Variants in PTPRT observed in about 807,000 individuals in gnomAD.
The protein encoded by PTPRT is receptor-type tyrosine-protein phosphatase T.
Under a neutral mutation model 176.8 loss-of-function variants are expected in PTPRT, and 56 were observed. The ratio of observed to expected loss-of-function variants is 0.32; its 90% CI spans 0.26 to 0.40. PTPRT has a LOEUF of 0.40. Ranked by LOEUF, PTPRT falls within the 10% of genes least tolerant of loss-of-function variation. The probability of loss-of-function intolerance (pLI) is 1.00; values close to 1 mark genes in which losing one functional copy is unlikely to be tolerated. For missense variants in PTPRT, 1,540 were observed against 1,908.2 expected, an observed-to-expected ratio of 0.81 and a Z score of 3.60; for synonymous variants, 783 against 739.0, an observed-to-expected ratio of 1.06 and a Z score of -0.96.
rs1195911954 is a variant in PTPRT, at chr20:42,079,532, T to C, written c.*1347A>G. ...TCTAAGGACTGTGTGAAATGTCCTA[T>C]GGAAAGTGCCAAGCATGATCCCTGG... is the stretch of plus-strand genomic sequence containing the variant. On this transcript the variant is annotated 3_prime_UTR_variant, in exon 31 of 31. Coordinates refer to ENST00000373187, the MANE Select transcript of PTPRT (RefSeq NM_007050.6). 9 of 222,604 alleles carry C rather than the reference T, an allele frequency of 4.0e-5. No homozygotes were observed. Among genetic ancestry groups the C allele is most frequent in the East Asian group, 1.9e-4 (3 of 15,400 alleles). 13.8% of individuals were successfully genotyped at this position (222,604 alleles called of 1,614,324 possible).
chr20:42,666,567 A>G (rs976541483), intron 7 of PTPRT, among the ~76,000 whole-genome samples: 9 of 152,320 alleles, frequency 5.9e-5, no homozygotes, highest in Admixed American at 5.9e-4. Flanking sequence ...AATCCCATTA[A>G]GATTTTGATT....
intron 13 of PTPRT, among the ~76,000 whole-genome samples, chr20:42,276,539 ATATATATATATATATATAT>A (rs1247799375): frequency 3.8e-5 from 2 of 51,978 alleles, no homozygotes; most frequent in Non-Finnish European, 7.2e-5. Flanking sequence ...ATATATATAT[ATATATATATATATATATAT>A]AATGTTCTTG....
At chr20:42,135,308 C>T (rs1461136244) in intron 18 of PTPRT, among the ~76,000 whole-genome samples, 2 of 152,208 alleles carry the variant, frequency 1.3e-5, no homozygotes, top group African/African-American at 4.8e-5. Flanking sequence ...TATGAACCCA[C>T]CTGGTATGTT....
At chr20:43,041,704 T>C (rs899525683) in intron 1 of PTPRT, among the ~76,000 whole-genome samples, 28 of 152,238 alleles carry the variant, frequency 1.8e-4, no homozygotes, top group African/African-American at 5.1e-4. Context: ...AATATTCTTG[T>C]TGTCATGCCA....
chr20:42,138,302 A>AT (rs1434153143), intron 18 of PTPRT, among the ~76,000 whole-genome samples: 2 of 152,342 alleles, frequency 1.3e-5, no homozygotes, highest in Admixed American at 6.5e-5. Flanking sequence ...GGAGAGTGTG[A>AT]TGGAGGTACT....
chr20:42,728,356 T>G (rs959835125), intron 6 of PTPRT, among the ~76,000 whole-genome samples: 1 of 152,306 alleles, frequency 6.6e-6, no homozygotes, highest in South Asian at 2.1e-4. Context: ...TGCTGCTCCA[T>G]GATCACACTT....
chr20:42,598,617 T>C (rs1220201364), intron 7 of PTPRT, among the ~76,000 whole-genome samples: 1 of 152,168 alleles, frequency 6.6e-6, no homozygotes, highest in Non-Finnish European at 1.5e-5. Context: ...CAATACAACA[T>C]GTACATTATT....
chr20:42,320,359 G>A (rs1260799504), intron 11 of PTPRT, among the ~76,000 whole-genome samples: 1 of 152,148 alleles, frequency 6.6e-6, no homozygotes, highest in African/African-American at 2.4e-5. Flanking sequence ...GGGGACCAGG[G>A]ACCTATCAGA....
At chr20:42,432,618 C>A (rs1320541789) in intron 9 of PTPRT, among the ~76,000 whole-genome samples, 3 of 152,132 alleles carry the variant, frequency 2.0e-5, no homozygotes, top group Non-Finnish European at 4.4e-5. Context: ...ATGAACAAGG[C>A]CTAAAGTCAT....
intron 13 of PTPRT, among the ~76,000 whole-genome samples, chr20:42,256,910 T>C (rs536040600): frequency 6.6e-6 from 1 of 152,168 alleles, no homozygotes; most frequent in South Asian, 2.1e-4. Context: ...AGCCATGGAG[T>C]CACCGCCAAA....
intron 1 of PTPRT, among the ~76,000 whole-genome samples, chr20:42,987,869 GA>G (rs1274954202): frequency 6.6e-6 from 1 of 152,150 alleles, no homozygotes. Flanking sequence ...AGCTTGACGG[GA>G]GCTGGGGATC....
intron 21 of PTPRT, chr20:42,116,233 A>G (rs1987276263): frequency 1.6e-6 from 1 of 615,786 alleles, no homozygotes. Flanking sequence ...CTTCTTTCTC[A>G]TGCTAGTGCT....
At chr20:42,652,752 G>C (rs1386979884) in intron 7 of PTPRT, among the ~76,000 whole-genome samples, 1 of 152,116 alleles carries the variant, frequency 6.6e-6, no homozygotes, top group Non-Finnish European at 1.5e-5. Context: ...CCATCTTTGT[G>C]TCACATCACT....
At position 42,529,468 on chromosome 20, in the gene PTPRT, G is replaced by T. The variant is rs138391697; in HGVS notation, c.1154-56906C>A. On this transcript the variant is annotated intron_variant, in intron 7 of 30. Transcript: ENST00000373187. ...CATCAAGTCTGAAAACACTCTCTAG[G>T]CGCCTTGCACAAAGTCAATTTTATT... Among the ~76,000 whole-genome samples, 515 of 152,182 alleles carry T rather than the reference G, an allele frequency of 3.4e-3. 2 individuals are homozygous for T. The highest frequency in any genetic ancestry group is 0.011 in the African/African-American group (474 of 41,520).
chr20:42,201,403 C>A (rs1162085843), intron 15 of PTPRT, among the ~76,000 whole-genome samples: 3 of 152,156 alleles, frequency 2.0e-5, no homozygotes, highest in Non-Finnish European at 4.4e-5. Context: ...TTGATAGCAT[C>A]CTCCTTGAAA....
At chr20:42,962,612 T>A (rs1202031860) in intron 1 of PTPRT, among the ~76,000 whole-genome samples, 2 of 152,246 alleles carry the variant, frequency 1.3e-5, no homozygotes, top group African/African-American at 4.8e-5. Flanking sequence ...TTTACAATAC[T>A]GGGCTGAAAA....
At chr20:42,194,778 G>A (rs1895516453) in intron 16 of PTPRT, among the ~76,000 whole-genome samples, 1 of 152,130 alleles carries the variant, frequency 6.6e-6, no homozygotes, top group African/African-American at 2.4e-5. Context: ...AGAATACCAA[G>A]GCACTCCAAA....
At chr20:42,743,472 G>A (rs922410487) in intron 6 of PTPRT, among the ~76,000 whole-genome samples, 1 of 152,210 alleles carries the variant, frequency 6.6e-6, no homozygotes, top group African/African-American at 2.4e-5. Flanking sequence ...TTGTGATTCT[G>A]CAGAGCTGCA....
intron 1 of PTPRT, among the ~76,000 whole-genome samples, chr20:42,945,854 C>T (rs1044664704): frequency 2.0e-5 from 3 of 152,042 alleles, no homozygotes; most frequent in Non-Finnish European, 2.9e-5. Flanking sequence ...AGAAGACCCC[C>T]GACCCATTAA....
Sources: gnomAD v4.1 joint callset for allele counts (sites outside exome capture counted in the v4.1 genomes callset) on GRCh38, gnomAD v4.1.1 for gene constraint, MANE v1.5 for transcripts, NCBI Gene and HGNC (gene_info 2026-07-23, HGNC 2026-07-21) for gene names.